The following CLIP2 variants were observed in gnomAD, a reference collection of about 807,000 sequenced individuals.
CLIP2 encodes the protein CAP-Gly domain containing linker protein 2, also known as CAP-Gly domain-containing linker protein 2.
Under a neutral mutation model 111.7 loss-of-function variants are expected in CLIP2, and 41 were observed. The observed-to-expected ratio is 0.37, with a 90% CI of 0.29 to 0.48. The LOEUF is 0.48. Among genes scored for constraint, CLIP2 ranks in the 20% least tolerant of loss-of-function variants. CLIP2 has a pLI of 0.99. For missense variants in CLIP2, 1,160 were observed against 1,422.1 expected, an observed-to-expected ratio of 0.82 and a Z score of 2.96; for synonymous variants, 660 against 644.2, an observed-to-expected ratio of 1.02 and a Z score of -0.37.
intron 2 of CLIP2, among the ~76,000 whole-genome samples, chr7:74,328,852 C>T (rs1284208030): frequency 1.3e-5 from 2 of 151,740 alleles, no homozygotes; most frequent in African/African-American, 4.8e-5. Context: ...CAACTCCTCT[C>T]TCAGCCTCCC....
At chr7:74,372,718 G>T (rs1340435163) in intron 8 of CLIP2, among the ~76,000 whole-genome samples, 1 of 151,006 alleles carries the variant, frequency 6.6e-6, no homozygotes, top group Non-Finnish European at 1.5e-5. Context: ...CAAGGGGTGG[G>T]CATGAGGCCC....
intron 1 of CLIP2, among the ~76,000 whole-genome samples, chr7:74,309,211 C>T (rs1385819500): frequency 6.6e-6 from 1 of 151,898 alleles, no homozygotes; most frequent in African/African-American, 2.4e-5. Flanking sequence ...CATAGTGGCT[C>T]ACACCTGTAA....
intron 2 of CLIP2, among the ~76,000 whole-genome samples, chr7:74,327,694 GA>G (rs1188326784): frequency 1.3e-5 from 2 of 152,174 alleles, no homozygotes; most frequent in African/African-American, 4.8e-5. Flanking sequence ...TCAGGACGGG[GA>G]AGCCAAGCCC....
In CLIP2 at chr7:74,387,078, G is replaced by A. The variant is rs117705796; in HGVS notation, c.2563+474G>A. On this transcript the variant is annotated intron_variant, in intron 12 of 16. Coordinates refer to ENST00000223398, the MANE Select transcript of CLIP2 (RefSeq NM_003388.5). Reference sequence around the variant, plus strand: ...CAGGTCACCTGCACCAGACAGACATGTACCTGGGGAGCAGTGAGTGGCCCA... The same window carrying A: ...CAGGTCACCTGCACCAGACAGACATATACCTGGGGAGCAGTGAGTGGCCCA... Among the ~76,000 whole-genome samples, 13 of 150,490 alleles carry A rather than the reference G, an allele frequency of 8.6e-5. No homozygotes were observed. In the East Asian group the frequency reaches 2.6e-3, roughly 30 times the overall value.
intron 3 of CLIP2, among the ~76,000 whole-genome samples, chr7:74,353,669 G>T (rs1408403391): frequency 6.6e-6 from 1 of 152,198 alleles, no homozygotes; most frequent in Non-Finnish European, 1.5e-5. Context: ...TGTCTTCAAA[G>T]CCTGTGCCCT....
intron 1 of CLIP2, among the ~76,000 whole-genome samples, chr7:74,305,477 T>C (rs1175329753): frequency 2.0e-5 from 3 of 151,802 alleles, no homozygotes; most frequent in African/African-American, 7.3e-5. Flanking sequence ...CTGTCCCAGA[T>C]CAGGCCTCAT....
intron 1 of CLIP2, among the ~76,000 whole-genome samples, chr7:74,300,643 A>G (rs1308641849): frequency 1.3e-4 from 19 of 151,852 alleles, no homozygotes; most frequent in Admixed American, 7.2e-4. Flanking sequence ...TTTTTAGTAG[A>G]GACGGGTTTT....
At chr7:74,330,611 C>A (rs1243679698) in intron 2 of CLIP2, among the ~76,000 whole-genome samples, 6 of 151,972 alleles carry the variant, frequency 3.9e-5, no homozygotes, top group Admixed American at 3.3e-4. Flanking sequence ...TCCCCTACCC[C>A]CAGGCCACCA....
intron 2 of CLIP2, among the ~76,000 whole-genome samples, chr7:74,324,315 T>C (rs1165140943): frequency 2.0e-5 from 3 of 152,148 alleles, no homozygotes; most frequent in Admixed American, 1.3e-4. Context: ...AACAGCTAGA[T>C]TGTGCATTCT....
At chr7:74,390,161 A>AAAG (rs1791240673) in intron 13 of CLIP2, among the ~76,000 whole-genome samples, 1 of 42,780 alleles carries the variant, frequency 2.3e-5, no homozygotes, top group Non-Finnish European at 4.5e-5. Flanking sequence ...AAAGAAAGAA[A>AAAG]GAAGAAAGAA....
At chr7:74,337,759 C>G (rs774370627) in intron 2 of CLIP2, among the ~76,000 whole-genome samples, 27 of 152,034 alleles carry the variant, frequency 1.8e-4, no homozygotes, top group Non-Finnish European at 3.4e-4. Context: ...CCACACCTGG[C>G]TAATTATTTT....
At chr7:74,296,247 G>A (rs116656781) in intron 1 of CLIP2, among the ~76,000 whole-genome samples, 20 of 151,926 alleles carry the variant, frequency 1.3e-4, no homozygotes, top group South Asian at 2.1e-4. Flanking sequence ...CAAGCCTCAC[G>A]TCTGTAATCC....
At chr7:74,403,056 CAAA>C (rs1257300525) in intron 16 of CLIP2, among the ~76,000 whole-genome samples, 31 of 136,332 alleles carry the variant, frequency 2.3e-4, no homozygotes, top group African/African-American at 8.1e-4. Context: ...ACTAAAAATA[CAAA>C]AAAAAAAAAA....
chr7:74,338,397 G>A lies in CLIP2; in HGVS notation c.122-51G>A. The A allele has an allele frequency of 6.3e-7, 1 of 1,578,850 alleles. No homozygotes were observed. Reference sequence around the variant, plus strand: ...GACTCTGTGCTCCTGGGGCCACCCAGGGGCCAGCCCTAACAGCCACCTCTT... The same window carrying A: ...GACTCTGTGCTCCTGGGGCCACCCAAGGGCCAGCCCTAACAGCCACCTCTT... On this transcript the variant is annotated intron_variant, in intron 2 of 16. Transcript: ENST00000223398. The surrounding 1 kb of genome is among the most constrained non-coding windows in gnomAD (Gnocchi z 4.3).
chr7:74,302,188 AG>A (rs1196947820), intron 1 of CLIP2, among the ~76,000 whole-genome samples: 2 of 151,994 alleles, frequency 1.3e-5, no homozygotes, highest in Admixed American at 1.3e-4. Flanking sequence ...AGGGCAAGGA[AG>A]ATGCCTCCTT....
At chr7:74,295,334 A>G (rs1033700263) in intron 1 of CLIP2, among the ~76,000 whole-genome samples, 6 of 152,068 alleles carry the variant, frequency 3.9e-5, no homozygotes, top group African/African-American at 1.2e-4. Context: ...CAAAGGGAGA[A>G]AAGTTGAGAA....
intron 1 of CLIP2, among the ~76,000 whole-genome samples, chr7:74,295,170 C>T (rs180791954): frequency 1.6e-4 from 24 of 152,266 alleles, no homozygotes; most frequent in African/African-American, 5.1e-4. Context: ...CCGTGTTGCC[C>T]AGGGTGGTCT....
At chr7:74,351,877 C>G (rs1790012784) in intron 3 of CLIP2, among the ~76,000 whole-genome samples, 1 of 151,802 alleles carries the variant, frequency 6.6e-6, no homozygotes, top group South Asian at 2.1e-4. Context: ...ATAACATAAC[C>G]TAAAATAAGT....
At chr7:74,401,604 GCAGGCAGAC>G in intron 16 of CLIP2, 37 bp downstream of exon 16, 1 of 1,591,484 alleles carries the variant, frequency 6.3e-7, no homozygotes. Flanking sequence ...TCCCTCCCGT[GCAGGCAGAC>G]CTCTCTGGAG....
Sources: allele counts gnomAD v4.1 joint callset (sites outside exome capture counted in the v4.1 genomes callset), GRCh38; gene constraint gnomAD v4.1.1; non-coding constraint Gnocchi (gnomAD v3.1); transcripts MANE v1.5; gene names NCBI Gene and HGNC (gene_info 2026-07-23, HGNC 2026-07-21).